GPC6: variants seen among roughly 807,000 people sequenced by gnomAD.
The protein encoded by GPC6 is glypican-6.
In GPC6, 14 loss-of-function variants were observed where a neutral mutation model predicts 55.2. That is an observed-to-expected ratio of 0.25 (90% CI 0.17 to 0.40). The LOEUF is 0.40. Ranked by LOEUF, GPC6 falls within the 10% of genes least tolerant of loss-of-function variation. The pLI is 1.00. For synonymous variants in GPC6, 278 were observed against 259.6 expected (o/e 1.07, Z -0.68); for missense variants, 641 against 708.5 (o/e 0.90, Z 1.08).
chr13:93,679,648 A>G (rs1457981165), intron 2 of GPC6, among the ~76,000 whole-genome samples: 1 of 152,148 alleles, frequency 6.6e-6, no homozygotes, highest in East Asian at 1.9e-4. Context: ...CAAACAGTGT[A>G]TCTAGTCAGA....
At chr13:94,391,001 C>A (rs1880619796) in intron 7 of GPC6, among the ~76,000 whole-genome samples, 1 of 152,094 alleles carries the variant, frequency 6.6e-6, no homozygotes, top group South Asian at 2.1e-4. Context: ...CCTTTCTGGT[C>A]TGTAGTTTGC....
chr13:94,059,836 C>T lies in GPC6; in HGVS notation c.877+31942C>T, dbSNP rs533451255. Among the ~76,000 whole-genome samples the T allele has an allele frequency of 5.6e-4, 85 of 151,876 alleles. No homozygotes were observed. In the Middle Eastern group the frequency reaches 0.014, roughly 24 times the overall value. The stretch of plus-strand genomic sequence containing the variant: ...GCTCCTCCTTCATGACCTAATCCTC[C>T]CAAAGGCCCCACCTCCTAATACCAT... On this transcript the variant is annotated intron_variant, in intron 4 of 8. Coordinates refer to ENST00000377047, the MANE Select transcript of GPC6 (RefSeq NM_005708.5).
intron 6 of GPC6, among the ~76,000 whole-genome samples, chr13:94,325,721 C>T (rs1241878112): frequency 6.6e-6 from 1 of 152,170 alleles, no homozygotes; most frequent in African/African-American, 2.4e-5. Flanking sequence ...CAAATAATTG[C>T]ATTTTCTTGG....
intron 3 of GPC6, among the ~76,000 whole-genome samples, chr13:94,009,469 G>A (rs1882154833): frequency 6.6e-6 from 1 of 152,128 alleles, no homozygotes. Context: ...CTTACATGCT[G>A]GCATTATGCA....
intron 3 of GPC6, among the ~76,000 whole-genome samples, chr13:93,884,195 C>A (rs1566585458): frequency 6.6e-6 from 1 of 152,138 alleles, no homozygotes; most frequent in Non-Finnish European, 1.5e-5. Context: ...GACCTTGACA[C>A]ATGAAATCAT....
chr13:93,937,217 T>G (rs897738505), intron 3 of GPC6, among the ~76,000 whole-genome samples: 4 of 152,234 alleles, frequency 2.6e-5, no homozygotes, highest in African/African-American at 9.6e-5. Flanking sequence ...GTCAAACTGT[T>G]GTACACTTCA....
intron 1 of GPC6, among the ~76,000 whole-genome samples, chr13:93,258,198 C>T (rs1163156028): frequency 6.6e-6 from 1 of 152,166 alleles, no homozygotes; most frequent in South Asian, 2.1e-4. Context: ...AGCTCCTTTG[C>T]ATCCAAGGTG....
intron 3 of GPC6, among the ~76,000 whole-genome samples, chr13:93,987,771 A>C (rs959527785): frequency 6.6e-6 from 1 of 152,270 alleles, no homozygotes. Flanking sequence ...GAAAGGAATC[A>C]ATATAGTACA....
chr13:93,596,577 CA>C (rs1281262087), intron 2 of GPC6, among the ~76,000 whole-genome samples: 1 of 140,140 alleles, frequency 7.1e-6, no homozygotes, highest in Non-Finnish European at 1.5e-5. Context: ...GGAACAGAAC[CA>C]AAAGGATGTG....
chr13:93,779,063 T>A (rs1885555396), intron 2 of GPC6, among the ~76,000 whole-genome samples: 1 of 152,256 alleles, frequency 6.6e-6, no homozygotes, highest in Admixed American at 6.5e-5. Context: ...TCCTTTTATA[T>A]TTTAAAAACA....
chr13:94,368,093 G>A (rs1392695418), intron 6 of GPC6, among the ~76,000 whole-genome samples: 5 of 146,622 alleles, frequency 3.4e-5, no homozygotes, highest in African/African-American at 1.3e-4. Context: ...GGGTTGCAGT[G>A]AGCCGAGATC....
chr13:94,219,598 CA>C (rs975267330), intron 4 of GPC6, among the ~76,000 whole-genome samples: 2 of 152,098 alleles, frequency 1.3e-5, no homozygotes, highest in African/African-American at 4.8e-5. Flanking sequence ...TGTTATCAAG[CA>C]AATGGGCTCA....
intron 4 of GPC6, among the ~76,000 whole-genome samples, chr13:94,060,437 T>C (rs140364744): frequency 1.3e-5 from 2 of 152,324 alleles, no homozygotes; most frequent in African/African-American, 4.8e-5. Context: ...ACACGCTCAA[T>C]TGAATTAAAG....
At chr13:93,919,895 G>A (rs547136416) in intron 3 of GPC6, among the ~76,000 whole-genome samples, 17 of 152,284 alleles carry the variant, frequency 1.1e-4, no homozygotes, top group African/African-American at 3.1e-4. Context: ...TTCTTGCTGC[G>A]TAGACTTGCT....
At chr13:94,121,977 A>G (rs879591529) in intron 4 of GPC6, among the ~76,000 whole-genome samples, 4 of 152,094 alleles carry the variant, frequency 2.6e-5, no homozygotes, top group Non-Finnish European at 5.9e-5. Context: ...ATAAGATTTC[A>G]TTTGGAAAAA....
At chr13:93,421,260 G>A (rs1876912126) in intron 1 of GPC6, among the ~76,000 whole-genome samples, 1 of 151,978 alleles carries the variant, frequency 6.6e-6, no homozygotes, top group Non-Finnish European at 1.5e-5. Context: ...TGTTTCCTTG[G>A]GACTAGCACA....
chr13:93,449,033 G>A (rs11070059), intron 1 of GPC6, among the ~76,000 whole-genome samples: 32,785 of 152,174 alleles, frequency 0.22, 3,650 homozygotes, highest in Middle Eastern at 0.29. Flanking sequence ...GCACTGTACT[G>A]TGTAAAGGCA....
At chr13:93,835,012 G>T (rs2138988988) in intron 3 of GPC6, among the ~76,000 whole-genome samples, 1 of 152,300 alleles carries the variant, frequency 6.6e-6, no homozygotes, top group Non-Finnish European at 1.5e-5. Context: ...GTCAGACATT[G>T]TGAGGAAGAG....
At chr13:94,059,230 C>G (rs1472543485) in intron 4 of GPC6, among the ~76,000 whole-genome samples, 1 of 145,706 alleles carries the variant, frequency 6.9e-6, no homozygotes, top group Non-Finnish European at 1.5e-5. Flanking sequence ...TTTTTTTTTT[C>G]AGTAATCAGA....
Sources: allele counts gnomAD v4.1 joint callset (sites outside exome capture counted in the v4.1 genomes callset), GRCh38; gene constraint gnomAD v4.1.1; transcripts MANE v1.5; gene names NCBI Gene and HGNC (gene_info 2026-07-23, HGNC 2026-07-21).